The following EPHA7 variants were observed in gnomAD, a reference collection of about 807,000 sequenced individuals.
EPHA7 encodes EPH receptor A7.
Under a neutral mutation model 112.6 loss-of-function variants are expected in EPHA7, and 25 were observed. That is an observed-to-expected ratio of 0.22 (90% CI 0.16 to 0.31). The LOEUF (loss-of-function observed/expected upper bound fraction) is 0.31, where lower values mean the gene tolerates loss of function less well. Among genes scored for constraint, EPHA7 ranks in the 10% least tolerant of loss-of-function variants. EPHA7 has a pLI of 1.00. For synonymous variants in EPHA7, 437 were observed against 406.5 expected (o/e 1.07, Z -0.90); for missense variants, 962 against 1,212.6 (o/e 0.79, Z 3.07).
At position 93,272,418 on chromosome 6, in the gene EPHA7, G is replaced by A. The variant is rs1449359631; in HGVS notation, c.1329C>T (p.Pro443=). The change falls in exon 6 of 17, where the codon CCC becomes CCT. Residue 443 remains proline (P), a synonymous_variant. Coordinates refer to ENST00000369303, the MANE Select transcript of EPHA7 (RefSeq NM_004440.4). The part of the protein sequence containing the change: ...AVSITTGQAA[P]SQVSGVMKER... ...CCTTCATTACTCCACTCACTTGCGA[G>A]GGAGCTGTTTGGACAAGATGTGTCA... is the stretch of plus-strand genomic sequence containing the variant. The A allele has an allele frequency of 2.5e-6, 4 of 1,611,418 alleles. No homozygotes were observed. The highest frequency in any genetic ancestry group is 3.4e-6 in the Non-Finnish European group (4 of 1,178,204).
chr6:93,302,433 T>A (rs956513863), intron 5 of EPHA7, among the ~76,000 whole-genome samples: 14 of 152,064 alleles, frequency 9.2e-5, no homozygotes, highest in Non-Finnish European at 1.8e-4. Context: ...AGCCTAGACC[T>A]CATCATTACT....
At chr6:93,257,319 T>C in intron 12 of EPHA7, 143 bp downstream of exon 12, 1 of 578,330 alleles carries the variant, frequency 1.7e-6, no homozygotes, top group Non-Finnish European at 3.0e-6. Context: ...TGAACTCTGA[T>C]TATTAATCTG....
At chr6:93,320,359 T>A (rs1181066704) in intron 5 of EPHA7, among the ~76,000 whole-genome samples, 1 of 152,088 alleles carries the variant, frequency 6.6e-6, no homozygotes, top group African/African-American at 2.4e-5. Flanking sequence ...AGATTCAGTA[T>A]ATTAGTTTTT....
intron 3 of EPHA7, among the ~76,000 whole-genome samples, chr6:93,401,002 T>A (rs552646289): frequency 1.3e-5 from 2 of 152,184 alleles, no homozygotes; most frequent in East Asian, 3.9e-4. Context: ...CAGATCTAGG[T>A]TTTCTCTGTA....
chr6:93,369,235 T>G (rs2127958062), intron 3 of EPHA7, among the ~76,000 whole-genome samples: 1 of 150,756 alleles, frequency 6.6e-6, no homozygotes, highest in African/African-American at 2.4e-5. Context: ...ATACATAGAA[T>G]TTTTAGAAAT....
intron 3 of EPHA7, among the ~76,000 whole-genome samples, chr6:93,362,915 G>C (rs1272649712): frequency 6.6e-6 from 1 of 152,032 alleles, no homozygotes; most frequent in Non-Finnish European, 1.5e-5. Context: ...TCCCCCTTCC[G>C]ACAATCTTGT....
chr6:93,331,817 T>C (rs1055806967), intron 5 of EPHA7, among the ~76,000 whole-genome samples: 1 of 151,622 alleles, frequency 6.6e-6, no homozygotes, highest in Non-Finnish European at 1.5e-5. Flanking sequence ...TTTCAGCTAC[T>C]ATTGTAAACC....
chr6:93,414,232 G>A (rs1484108327), intron 2 of EPHA7, among the ~76,000 whole-genome samples: 6 of 151,858 alleles, frequency 4.0e-5, no homozygotes, highest in Non-Finnish European at 5.9e-5. Flanking sequence ...ATACCAAAAT[G>A]TTGAACATAG....
At chr6:93,368,899 G>A (rs1451698629) in intron 3 of EPHA7, among the ~76,000 whole-genome samples, 2 of 152,022 alleles carry the variant, frequency 1.3e-5, no homozygotes, top group African/African-American at 4.8e-5. Context: ...CCCTAAAGCA[G>A]GTTAAGGCAG....
chr6:93,380,846 T>C (rs1777301117), intron 3 of EPHA7, among the ~76,000 whole-genome samples: 1 of 152,128 alleles, frequency 6.6e-6, no homozygotes, highest in South Asian at 2.1e-4. Flanking sequence ...AGGTTTGTGT[T>C]ACTATTAAAA....
intron 1 of EPHA7, among the ~76,000 whole-genome samples, chr6:93,415,646 G>A (rs1779186118): frequency 1.3e-5 from 2 of 151,406 alleles, no homozygotes; most frequent in South Asian, 4.2e-4. Context: ...CACTCTTTTG[G>A]TCAAACTGGT....
chr6:93,347,576 G>A (rs2127931647), intron 5 of EPHA7, among the ~76,000 whole-genome samples: 1 of 152,002 alleles, frequency 6.6e-6, no homozygotes, highest in East Asian at 1.9e-4. Flanking sequence ...TCTCAGGGAT[G>A]AGTATTAGTC....
At chr6:93,381,561 A>G (rs920122324) in intron 3 of EPHA7, among the ~76,000 whole-genome samples, 2 of 152,186 alleles carry the variant, frequency 1.3e-5, no homozygotes, top group African/African-American at 4.8e-5. Context: ...TATTAATTAT[A>G]ACAAATGGAT....
chr6:93,385,540 T>A (rs983503159), intron 3 of EPHA7, among the ~76,000 whole-genome samples: 4 of 152,082 alleles, frequency 2.6e-5, no homozygotes, highest in African/African-American at 9.7e-5. Flanking sequence ...TACAATGGTA[T>A]CTCATATTTT....
chr6:93,310,164 A>G (rs1280206151), intron 5 of EPHA7, among the ~76,000 whole-genome samples: 8 of 152,232 alleles, frequency 5.3e-5, no homozygotes, highest in Non-Finnish European at 7.3e-5. Context: ...GGAATAAATT[A>G]CTTGGCCTAT....
chr6:93,355,191 T>A (rs1037369407), intron 5 of EPHA7, among the ~76,000 whole-genome samples: 1 of 152,148 alleles, frequency 6.6e-6, no homozygotes, highest in Non-Finnish European at 1.5e-5. Flanking sequence ...AAATCACTTA[T>A]TTTTTGTCTA....
chr6:93,373,445 T>C (rs1206384096), intron 3 of EPHA7, among the ~76,000 whole-genome samples: 1 of 152,088 alleles, frequency 6.6e-6, no homozygotes. Flanking sequence ...CAGGGAAACT[T>C]GCGTGTAATT....
chr6:93,290,935 AAT>A (rs1772326758), intron 5 of EPHA7, among the ~76,000 whole-genome samples: 1 of 152,322 alleles, frequency 6.6e-6, no homozygotes, highest in Non-Finnish European at 1.5e-5. Context: ...GCAAACAAAA[AAT>A]ACAGCTGCAA....
chr6:93,260,629 C>CTTTT, intron 9 of EPHA7: 3 of 974,668 alleles, frequency 3.1e-6, no homozygotes, highest in Non-Finnish European at 3.7e-6. Flanking sequence ...AAAGTAAACA[C>CTTTT]ATAACAAAAA....
Sources: allele counts gnomAD v4.1 joint callset (sites outside exome capture counted in the v4.1 genomes callset), GRCh38; gene constraint gnomAD v4.1.1; transcripts MANE v1.5; gene names NCBI Gene and HGNC (gene_info 2026-07-23, HGNC 2026-07-21).